SYCP2: variants seen among roughly 807,000 people sequenced by gnomAD.
The protein encoded by SYCP2 is synaptonemal complex lateral element protein.
Under a neutral mutation model 211.3 loss-of-function variants are expected in SYCP2, and 55 were observed. That is an observed-to-expected ratio of 0.26 (90% CI 0.21 to 0.33). SYCP2 has a LOEUF of 0.33. SYCP2 is among the 10% of genes least tolerant of loss of function. The pLI is 1.00. For synonymous variants in SYCP2, 570 were observed against 555.2 expected (o/e 1.03, Z -0.37); for missense variants, 1,731 against 1,752.0 (o/e 0.99, Z 0.21).
intron 33 of SYCP2, among the ~76,000 whole-genome samples, chr20:59,876,369 CAA>C (rs765782164): frequency 2.2e-4 from 5 of 23,080 alleles, no homozygotes; most frequent in East Asian, 1.9e-3. Context: ...GGCTGTGTCT[CAA>C]AAAAAAAAAA....
chr20:59,915,264 T>C (rs1175632257), intron 9 of SYCP2, 65 bp from the exon 10 acceptor site: 1 of 1,281,300 alleles, frequency 7.8e-7, no homozygotes, highest in African/African-American at 1.5e-5. Flanking sequence ...TCCACATGTT[T>C]AGGAGGAAAA....
chr20:59,885,885 A>T, intron 26 of SYCP2, 43 bp downstream of exon 26: 1 of 1,442,592 alleles, frequency 6.9e-7, no homozygotes, highest in Non-Finnish European at 9.7e-7. Flanking sequence ...TCAAATATTG[A>T]GTTTGACTAT....
Position 59,877,559 on chromosome 20 carries a change from T to C in SYCP2, c.2980-4A>G. ...TTGTGATATTTTTACTGGGTGTCTT[T>C]AGGAGAAAAATTCCTGAATATTAGA... On this transcript the variant is annotated splice_region_variant and splice_polypyrimidine_tract_variant and intron_variant, in intron 32 of 44. Coordinates refer to ENST00000357552, the MANE Select transcript of SYCP2 (RefSeq NM_014258.4). The C allele has an allele frequency of 6.3e-7, 1 of 1,581,052 alleles. No homozygotes were observed. Among genetic ancestry groups the C allele is most frequent in the Non-Finnish European group, 8.5e-7 (1 of 1,172,036 alleles).
intron 1 of SYCP2, among the ~76,000 whole-genome samples, chr20:59,932,698 C>A (rs1230367758): frequency 6.6e-6 from 1 of 152,034 alleles, no homozygotes; most frequent in Non-Finnish European, 1.5e-5. Flanking sequence ...CAAAAAAAAA[C>A]CACGCTGCCG....
intron 34 of SYCP2, 95 bp from the exon 35 acceptor site, chr20:59,874,156 T>C (rs570838630): frequency 1.7e-4 from 102 of 604,398 alleles, no homozygotes; most frequent in East Asian, 7.6e-4. Context: ...TTCTAAGAAT[T>C]TGTCAGATCT....
intron 34 of SYCP2, among the ~76,000 whole-genome samples, chr20:59,874,372 A>C (rs1382209770): frequency 6.6e-6 from 1 of 152,156 alleles, no homozygotes; most frequent in Non-Finnish European, 1.5e-5. Flanking sequence ...GTATTCTGAC[A>C]TCATAGCTGA....
Position 59,864,161 on chromosome 20 carries a change from A to G in SYCP2, c.*150T>C, listed in dbSNP as rs1280495458. 3.9e-6 allele frequency: 2 copies of G among 510,520 alleles called. No homozygotes were observed. Among genetic ancestry groups the G allele is most frequent in the Non-Finnish European group, 6.8e-6 (2 of 293,298 alleles). 31.6% of individuals were successfully genotyped at this position (510,520 alleles called of 1,614,324 possible). A position where few individuals can be genotyped will look rare whatever the true frequency, so the allele number is the denominator to read the frequency against. ...TATAGTGGTTCCCTCTCATCCATTAAAAGACATTTTTTTTTAATTTGAGGG... is the reference window on the plus strand; with the variant it reads ...TATAGTGGTTCCCTCTCATCCATTAGAAGACATTTTTTTTTAATTTGAGGG... On this transcript the variant is annotated 3_prime_UTR_variant, in exon 45 of 45. Coordinates refer to ENST00000357552, the MANE Select transcript of SYCP2 (RefSeq NM_014258.4).
intron 2 of SYCP2, among the ~76,000 whole-genome samples, chr20:59,930,749 A>T (rs976267874): frequency 1.2e-4 from 19 of 152,228 alleles, no homozygotes; most frequent in Admixed American, 5.2e-4. Flanking sequence ...ATTCAAAAAT[A>T]AGCAATTCCG....
At chr20:59,882,621 C>T (rs918647631) in intron 26 of SYCP2, among the ~76,000 whole-genome samples, 1 of 152,098 alleles carries the variant, frequency 6.6e-6, no homozygotes, top group African/African-American at 2.4e-5. Context: ...GAAATCCTGT[C>T]ACTTGTAGCA....
intron 24 of SYCP2, among the ~76,000 whole-genome samples, chr20:59,888,370 A>G (rs1299800581): frequency 6.6e-6 from 1 of 152,086 alleles, no homozygotes; most frequent in Admixed American, 6.6e-5. Flanking sequence ...AATGTACTCC[A>G]TCATAACAGG....
intron 18 of SYCP2, 44 bp downstream of exon 18, chr20:59,900,094 A>G (rs769195559): frequency 1.3e-6 from 2 of 1,589,884 alleles, no homozygotes; most frequent in Non-Finnish European, 1.7e-6. Flanking sequence ...CAGTGATTTG[A>G]TCAATGGTAG....
chr20:59,887,248 G>A (rs974984874), intron 24 of SYCP2, among the ~76,000 whole-genome samples: 13 of 151,588 alleles, frequency 8.6e-5, no homozygotes, highest in Middle Eastern at 3.2e-3. Flanking sequence ...GAGAACATGC[G>A]GTGTTTTTTT....
At chr20:59,895,828 C>G (rs1412331160) in intron 19 of SYCP2, among the ~76,000 whole-genome samples, 1 of 151,962 alleles carries the variant, frequency 6.6e-6, no homozygotes, top group Non-Finnish European at 1.5e-5. Context: ...ATTTGGGGAG[C>G]CTGTCAGATA....
chr20:59,899,807 T>TA (rs2145774261), intron 18 of SYCP2, among the ~76,000 whole-genome samples: 1 of 151,924 alleles, frequency 6.6e-6, no homozygotes, highest in African/African-American at 2.4e-5. Flanking sequence ...CTCATGCAAA[T>TA]AAACAGAACA....
intron 35 of SYCP2, 25 bp downstream of exon 35, chr20:59,873,831 G>A: frequency 6.4e-7 from 1 of 1,556,090 alleles, no homozygotes; most frequent in South Asian, 1.2e-5. Flanking sequence ...ATCTGATAAA[G>A]AGAAAAATAT....
At chr20:59,932,786 G>C (rs912676699) in intron 1 of SYCP2, among the ~76,000 whole-genome samples, 2 of 152,176 alleles carry the variant, frequency 1.3e-5, no homozygotes, top group African/African-American at 4.8e-5. Context: ...GCATTGAGCC[G>C]CCGCGGGACG....
At chr20:59,915,382 T>C (rs979733383) in intron 9 of SYCP2, 83 bp downstream of exon 9, 22 of 1,061,384 alleles carry the variant, frequency 2.1e-5, no homozygotes, top group Non-Finnish European at 2.3e-5. Flanking sequence ...AGTTTCATTA[T>C]TAATGCAAAC....
intron 43 of SYCP2, 21 bp downstream of exon 43, chr20:59,865,552 T>A: frequency 1.3e-6 from 2 of 1,588,406 alleles, no homozygotes; most frequent in Non-Finnish European, 1.7e-6. Context: ...AGGTAACCTA[T>A]AAAAAGCATA....
chr20:59,889,512 CT>C lies in SYCP2; in HGVS notation c.2364+2477del, dbSNP rs374071965. On this transcript the variant is annotated intron_variant, in intron 24 of 44. Transcript: ENST00000357552. ...ATGAGGTCTCCTGATTTTATATTTA[CT>C]TTTCTCTGGTTATCAGGCATATATA... Among the ~76,000 whole-genome samples the C allele has an allele frequency of 2.0e-4, 31 of 152,000 alleles. No homozygotes were observed. In the East Asian group the frequency reaches 5.6e-3, roughly 27 times the overall value.
Sources: gnomAD v4.1 joint callset for allele counts (sites outside exome capture counted in the v4.1 genomes callset) on GRCh38, gnomAD v4.1.1 for gene constraint, MANE v1.5 for transcripts, NCBI Gene and HGNC (gene_info 2026-07-23, HGNC 2026-07-21) for gene names.